YBX1: variants seen among roughly 807,000 people sequenced by gnomAD.
The protein encoded by YBX1 is Y-box binding protein 1.
In YBX1, 3 loss-of-function variants were observed where a neutral mutation model predicts 41.4. That is an observed-to-expected ratio of 0.07 (90% CI 0.03 to 0.19). The LOEUF (loss-of-function observed/expected upper bound fraction) is 0.19, where lower values mean the gene tolerates loss of function less well. Among genes scored for constraint, YBX1 ranks in the 10% least tolerant of loss-of-function variants. YBX1 has a pLI of 1.00. For synonymous variants in YBX1, 133 were observed against 165.8 expected, an observed-to-expected ratio of 0.80 and a Z score of 1.52; for missense variants, 274 against 462.8, an observed-to-expected ratio of 0.59 and a Z score of 3.74.
chr1:42,696,409 G>A lies in YBX1; in HGVS notation c.354+121G>A. The A allele has an allele frequency of 9.4e-7, 1 of 1,060,750 alleles. No homozygotes were observed. Among genetic ancestry groups the A allele is most frequent in the Non-Finnish European group, 1.4e-6 (1 of 728,026 alleles). 65.7% of individuals were successfully genotyped at this position (1,060,750 alleles called of 1,614,324 possible). A position where few individuals can be genotyped will look rare whatever the true frequency, so the allele number is the denominator to read the frequency against. On this transcript the variant is annotated intron_variant, in intron 4 of 7. Transcript: ENST00000321358. The surrounding 1 kb of genome is among the most constrained non-coding windows in gnomAD (Gnocchi z 5.7). Reference sequence around the variant, plus strand: ...TTCAGGTGACCTCATGAACACAGGTGCATCAAGCCTAATGTTCTGGCTGCA... The same window carrying A: ...TTCAGGTGACCTCATGAACACAGGTACATCAAGCCTAATGTTCTGGCTGCA...
chr1:42,685,278 A>G (rs937159206), intron 2 of YBX1, among the ~76,000 whole-genome samples: 1 of 152,182 alleles, frequency 6.6e-6, no homozygotes, highest in Non-Finnish European at 1.5e-5. Context: ...TCTATTCTGA[A>G]TTGGAATCAA....
intron 6 of YBX1, among the ~76,000 whole-genome samples, chr1:42,697,856 A>G (rs114044599): frequency 0.015 from 2,230 of 152,210 alleles, 24 homozygotes; most frequent in Non-Finnish European, 0.02. Flanking sequence ...CCATGAACCA[A>G]GCATATTTTA....
At position 42,696,749 on chromosome 1, in the gene YBX1, T is replaced by G; in HGVS notation, c.462T>G (p.Pro154=). The part of the protein sequence containing the change: ...HYRRYPRRRG[P]PRNYQQNYQN... ...GACGCTATCCACGTCGTAGGGGTCCTCCACGCAATTACCAGCAAAATTACC... is the reference window on the plus strand; with the variant it reads ...GACGCTATCCACGTCGTAGGGGTCCGCCACGCAATTACCAGCAAAATTACC... Residue 154 remains proline, a synonymous_variant, in exon 5 of 8, where the codon CCT becomes CCG. Transcript: ENST00000321358. This position sits in a 1 kb window ranked among gnomAD's most constrained non-coding sequence, Gnocchi z 5.7. The G allele has an allele frequency of 6.2e-7, 1 of 1,613,846 alleles. No individual in the cohort carries two copies. Among genetic ancestry groups the G allele is most frequent in the Non-Finnish European group, 8.5e-7 (1 of 1,179,842 alleles).
At chr1:42,695,969 A>C (rs984791854) in intron 3 of YBX1, among the ~76,000 whole-genome samples, 6 of 152,220 alleles carry the variant, frequency 3.9e-5, no homozygotes, top group Admixed American at 3.3e-4. Flanking sequence ...TACTTGTTTT[A>C]GTTTTGTAAA....
chr1:42,693,701 T>C (rs894909774), intron 3 of YBX1, among the ~76,000 whole-genome samples, 178 bp downstream of exon 3: 6 of 152,250 alleles, frequency 3.9e-5, no homozygotes, highest in Non-Finnish European at 8.8e-5. Context: ...TAGAGTTGAC[T>C]TAATTATCCT....
At chr1:42,693,403 A>C (rs1650387942) in intron 2 of YBX1, 87 bp from the exon 3 acceptor site, 6 of 1,480,566 alleles carry the variant, frequency 4.1e-6, no homozygotes, top group African/African-American at 1.4e-5. Flanking sequence ...CCTAATTGGC[A>C]GCCAGAGAGT....
At position 42,696,522 on chromosome 1, in the gene YBX1, C is replaced by CCGGGGGG; in HGVS notation, c.355-120_355-119insCGGGGGG. ...GGTCACGCAGTTGCGCCCCCCCCCCCTTTTTTTTCCTTAACTTTGTTGTTT... is the reference window on the plus strand; with the variant it reads ...GGTCACGCAGTTGCGCCCCCCCCCCCCGGGGGGTTTTTTTTCCTTAACTTTGTTGTTT... On this transcript the variant is annotated intron_variant, in intron 4 of 7. Coordinates refer to ENST00000321358, the MANE Select transcript of YBX1 (RefSeq NM_004559.5). The surrounding 1 kb of genome is among the most constrained non-coding windows in gnomAD (Gnocchi z 5.7). 6.3e-6 allele frequency: 4 copies of CCGGGGGG among 637,564 alleles called. No homozygotes were observed. Among genetic ancestry groups the CCGGGGGG allele is most frequent in the Non-Finnish European group, 7.1e-6 (3 of 420,682 alleles). The allele number at this position is 637,564 out of a possible 1,614,324, so 39.5% of individuals were successfully genotyped here.
chr1:42,691,397 G>A (rs1227693606), intron 2 of YBX1, among the ~76,000 whole-genome samples: 3 of 152,112 alleles, frequency 2.0e-5, no homozygotes, highest in Non-Finnish European at 2.9e-5. Flanking sequence ...GCTCTGTTGC[G>A]CAGGATGGAG....
chr1:42,683,967 T>C (rs566505517), intron 2 of YBX1, among the ~76,000 whole-genome samples: 118 of 152,326 alleles, frequency 7.7e-4, no homozygotes, highest in Non-Finnish European at 1.5e-3. Context: ...TTTTAATACC[T>C]GAGATAAATT....
intron 6 of YBX1, among the ~76,000 whole-genome samples, chr1:42,697,806 TA>T (rs1557534592): frequency 6.6e-6 from 1 of 152,150 alleles, no homozygotes; most frequent in Non-Finnish European, 1.5e-5. Context: ...TTAGAAATCT[TA>T]TTAATAGATG....
intron 6 of YBX1, among the ~76,000 whole-genome samples, chr1:42,700,413 T>G (rs758844491): frequency 2.6e-5 from 4 of 151,938 alleles, no homozygotes; most frequent in Non-Finnish European, 4.4e-5. Context: ...AGACCAGCCT[T>G]GGAAACATAG....
chr1:42,693,386 C>T (rs1255946868), intron 2 of YBX1, 104 bp from the exon 3 acceptor site: 2 of 1,353,970 alleles, frequency 1.5e-6, no homozygotes, highest in Admixed American at 2.0e-5. Context: ...TGCCAAATTT[C>T]CTGGTACCTA....
chr1:42,688,382 C>T (rs927696714), intron 2 of YBX1, among the ~76,000 whole-genome samples: 1 of 152,068 alleles, frequency 6.6e-6, no homozygotes, highest in Admixed American at 6.5e-5. Flanking sequence ...TATTTACTAC[C>T]ATAAAATGTA....
At position 42,694,187 on chromosome 1, in the gene YBX1, C is replaced by T. The variant is rs529823798; in HGVS notation, c.264+664C>T. Among the ~76,000 whole-genome samples the T allele has an allele frequency of 2.6e-5, 4 of 152,206 alleles. No homozygotes were observed. In the East Asian group the frequency reaches 7.7e-4, roughly 29 times the overall value. ...CTTCCAGTGATTTGGGAAGAGAAAA[C>T]TGTTAACATAGGATGAGTACTGATG... On this transcript the variant is annotated intron_variant, in intron 3 of 7. Coordinates refer to ENST00000321358, the MANE Select transcript of YBX1 (RefSeq NM_004559.5).
At chr1:42,701,611 G>GT (rs896745342) in intron 7 of YBX1, among the ~76,000 whole-genome samples, 3 of 151,886 alleles carry the variant, frequency 2.0e-5, no homozygotes, top group African/African-American at 7.3e-5. Flanking sequence ...ATGACACGTG[G>GT]TTTATCATGG....
intron 6 of YBX1, among the ~76,000 whole-genome samples, chr1:42,699,504 ATTTATCCAGATCTGG>A (rs892898686): frequency 5.9e-5 from 9 of 151,318 alleles, no homozygotes; most frequent in African/African-American, 1.5e-4. Context: ...ATCTGGTTTG[ATTTATCCAGATCTGG>A]TTTATCCAGA....
At chr1:42,683,040 G>A (rs945996699) in intron 1 of YBX1, 2 of 410,300 alleles carry the variant, frequency 4.9e-6, no homozygotes, top group South Asian at 3.5e-5. Flanking sequence ...GCTCGGGCCC[G>A]CACGCCGTTG....
rs2148743375 is a variant in YBX1, at chr1:42,701,065, C to T, written c.*31+19C>T. ...CATCCGGGTAAGCAAGCTTGGATGG[C>T]CATCCATTTATGGCAGTCGTGAGTG... is the stretch of plus-strand genomic sequence containing the variant. On this transcript the variant is annotated intron_variant, in intron 7 of 7. Transcript: ENST00000321358. 6.3e-7 allele frequency: 1 copy of T among 1,588,486 alleles called. No homozygotes were observed. Among genetic ancestry groups the T allele is most frequent in the South Asian group, 1.1e-5 (1 of 90,228 alleles).
intron 3 of YBX1, among the ~76,000 whole-genome samples, chr1:42,694,977 C>T (rs1650425561): frequency 6.6e-6 from 1 of 152,030 alleles, no homozygotes; most frequent in Non-Finnish European, 1.5e-5. Context: ...TTTTAATTAT[C>T]CATAATTCTG....
Sources: allele counts gnomAD v4.1 joint callset (sites outside exome capture counted in the v4.1 genomes callset), GRCh38; gene constraint gnomAD v4.1.1; non-coding constraint Gnocchi (gnomAD v3.1); transcripts MANE v1.5; gene names NCBI Gene and HGNC (gene_info 2026-07-23, HGNC 2026-07-21).